NLGN1: variants seen among roughly 807,000 people sequenced by gnomAD.
The protein encoded by NLGN1 is neuroligin-1.
A neutral mutation model predicts 65.5 loss-of-function variants in NLGN1; 12 were observed. The observed-to-expected ratio is 0.18, with a 90% CI of 0.12 to 0.30. The LOEUF (loss-of-function observed/expected upper bound fraction) is 0.30, where lower values mean the gene tolerates loss of function less well. Ranked by LOEUF, NLGN1 falls within the 10% of genes least tolerant of loss-of-function variation. The pLI, the probability that NLGN1 is intolerant of heterozygous loss-of-function variation, is 1.00. For synonymous variants in NLGN1, 350 were observed against 359.5 expected, an observed-to-expected ratio of 0.97 and a Z score of 0.30; for missense variants, 750 against 1,007.1, an observed-to-expected ratio of 0.74 and a Z score of 3.46.
chr3:173,761,386 G>A (rs181714874), intron 3 of NLGN1, among the ~76,000 whole-genome samples: 5 of 152,108 alleles, frequency 3.3e-5, no homozygotes, highest in South Asian at 4.1e-4. Context: ...GATAAGCTGC[G>A]TTTAGTGGCT....
At chr3:173,850,608 T>C (rs1186894387) in intron 4 of NLGN1, among the ~76,000 whole-genome samples, 1 of 152,214 alleles carries the variant, frequency 6.6e-6, no homozygotes, top group African/African-American at 2.4e-5. Context: ...TCTATCCTTT[T>C]CGTTGAAACA....
chr3:173,706,217 A>G (rs1456006562), intron 3 of NLGN1, among the ~76,000 whole-genome samples: 1 of 152,168 alleles, frequency 6.6e-6, no homozygotes, highest in Non-Finnish European at 1.5e-5. Flanking sequence ...TATTTTATCT[A>G]TTTAAATGGA....
intron 4 of NLGN1, among the ~76,000 whole-genome samples, chr3:174,082,190 A>T (rs1742377213): frequency 6.6e-6 from 1 of 152,216 alleles, no homozygotes; most frequent in Non-Finnish European, 1.5e-5. Context: ...AGAGCCTTCC[A>T]TCCGAGGATT....
At chr3:174,187,526 T>A (rs1731630595) in intron 4 of NLGN1, among the ~76,000 whole-genome samples, 1 of 152,036 alleles carries the variant, frequency 6.6e-6, no homozygotes, top group Admixed American at 6.6e-5. Flanking sequence ...ATAATGCTTT[T>A]GCTGTATGGA....
intron 2 of NLGN1, among the ~76,000 whole-genome samples, chr3:173,522,683 T>C (rs1734967588): frequency 6.6e-6 from 1 of 152,166 alleles, no homozygotes; most frequent in Non-Finnish European, 1.5e-5. Flanking sequence ...TCCACCCACC[T>C]TGGCCTCCCA....
At chr3:173,414,566 A>G (rs549244954) in intron 1 of NLGN1, among the ~76,000 whole-genome samples, 55 of 150,576 alleles carry the variant, frequency 3.7e-4, no homozygotes, top group Admixed American at 1.6e-3. Flanking sequence ...ATTATATGAT[A>G]TGCAACATCT....
chr3:173,664,527 T>TA (rs910095629), intron 3 of NLGN1, among the ~76,000 whole-genome samples: 14 of 152,186 alleles, frequency 9.2e-5, no homozygotes, highest in South Asian at 6.2e-4. Context: ...TTAAAAGTGT[T>TA]AAAAAAATGA....
intron 3 of NLGN1, among the ~76,000 whole-genome samples, chr3:173,712,547 T>C (rs940736276): frequency 6.6e-6 from 1 of 152,198 alleles, no homozygotes; most frequent in Non-Finnish European, 1.5e-5. Flanking sequence ...TCTACCTTTT[T>C]GAAGCTTATG....
chr3:173,464,372 T>C (rs1411302450), intron 2 of NLGN1, among the ~76,000 whole-genome samples: 1 of 152,146 alleles, frequency 6.6e-6, no homozygotes, highest in Non-Finnish European at 1.5e-5. Flanking sequence ...TTTCTTAATA[T>C]TTACCACTAT....
rs114455090 is a variant in NLGN1 at position 174,046,529 on chromosome 3, A to G, written c.647-228786A>G. ...CCAGTGTGACATTTGTTGAACTCCA[A>G]TTACTACTTTTATCTGTGTTTGAAC... On this transcript the variant is annotated intron_variant, in intron 4 of 6. Coordinates refer to ENST00000457714, the Ensembl canonical transcript of NLGN1. Among the ~76,000 whole-genome samples the G allele has an allele frequency of 3.7e-3, 563 of 152,224 alleles. 3 individuals are homozygous for G. The highest frequency in any genetic ancestry group is 0.012 in the African/African-American group (502 of 41,564).
At chr3:173,958,429 T>G (rs1196516388) in intron 4 of NLGN1, among the ~76,000 whole-genome samples, 1 of 151,868 alleles carries the variant, frequency 6.6e-6, no homozygotes, top group Non-Finnish European at 1.5e-5. Context: ...GACCCTGGAG[T>G]GGGTAGCTCC....
chr3:173,449,481 A>C (rs1721058317), intron 2 of NLGN1, among the ~76,000 whole-genome samples: 1 of 152,216 alleles, frequency 6.6e-6, no homozygotes, highest in South Asian at 2.1e-4. Flanking sequence ...CTTTACTTCC[A>C]ACTATGTGGT....
chr3:173,457,295 A>G lies in NLGN1; in HGVS notation c.-321+22217A>G, dbSNP rs77494554. Among the ~76,000 whole-genome samples the G allele has an allele frequency of 1.7e-3, 258 of 152,228 alleles. 6 individuals carry two copies. The East Asian group carries it at 0.044, about 26-fold the overall frequency. On this transcript the variant is annotated intron_variant, in intron 2 of 6. Coordinates refer to ENST00000457714, the Ensembl canonical transcript of NLGN1. ...GGGGGAATAGTACCAGAAACAGAGG[A>G]CAGCAAGTTTCAATGCCATGAAGCA...
intron 2 of NLGN1, among the ~76,000 whole-genome samples, chr3:173,458,759 ATG>A (rs1472923849): frequency 6.6e-6 from 1 of 152,132 alleles, no homozygotes; most frequent in Non-Finnish European, 1.5e-5. Context: ...AGAAGGTTGC[ATG>A]TGGGAAGTTT....
chr3:174,182,143 T>C (rs917641208), intron 4 of NLGN1, among the ~76,000 whole-genome samples: 2 of 152,068 alleles, frequency 1.3e-5, no homozygotes, highest in Admixed American at 1.3e-4. Context: ...CTACCAATCT[T>C]TTTTTCTAAA....
At chr3:173,849,993 A>G (rs779858283) in intron 4 of NLGN1, among the ~76,000 whole-genome samples, 24 of 152,130 alleles carry the variant, frequency 1.6e-4, no homozygotes, top group Non-Finnish European at 3.2e-4. Flanking sequence ...AATTATATTT[A>G]TTACATATAT....
chr3:173,449,429 A>T (rs1213872546), intron 2 of NLGN1, among the ~76,000 whole-genome samples: 1 of 152,070 alleles, frequency 6.6e-6, no homozygotes, highest in East Asian at 1.9e-4. Flanking sequence ...TCTGAGAGAC[A>T]GTTTGTTATA....
chr3:173,408,254 C>A (rs534586643), intron 1 of NLGN1, among the ~76,000 whole-genome samples: 1 of 152,236 alleles, frequency 6.6e-6, no homozygotes, highest in South Asian at 2.1e-4. Flanking sequence ...CAAGCAGTCC[C>A]TCCAGATTTG....
chr3:173,530,231 A>G (rs1027511465), intron 2 of NLGN1, among the ~76,000 whole-genome samples: 1 of 152,192 alleles, frequency 6.6e-6, no homozygotes, highest in African/African-American at 2.4e-5. Flanking sequence ...CTGGGATTAC[A>G]GGCGTGAGCC....
Sources: allele counts gnomAD v4.1 joint callset (sites outside exome capture counted in the v4.1 genomes callset), GRCh38; gene constraint gnomAD v4.1.1; transcripts MANE v1.5; gene names NCBI Gene and HGNC (gene_info 2026-07-23, HGNC 2026-07-21).